Variants in CNBD1 observed in about 807,000 individuals in gnomAD.
CNBD1 encodes the protein cyclic nucleotide-binding domain-containing protein 1.
CNBD1 carries 71 observed loss-of-function variants against 54.4 expected under a neutral mutation model. That is an observed-to-expected ratio of 1.30 (90% CI 1.08 to 1.59). CNBD1 has a LOEUF of 1.59. CNBD1 is among the 40% of genes most tolerant of loss of function. The pLI, the probability that CNBD1 is intolerant of heterozygous loss-of-function variation, is 0.00. For synonymous variants in CNBD1, 182 were observed against 170.7 expected (o/e 1.07, Z -0.51); for missense variants, 659 against 518.0 (o/e 1.27, Z -2.64).
chr8:86,940,873 A>G (rs1321764473), intron 4 of CNBD1, among the ~76,000 whole-genome samples: 1 of 152,236 alleles, frequency 6.6e-6, no homozygotes, highest in Admixed American at 6.5e-5. Flanking sequence ...CCATTGTGGT[A>G]TAACTGCCTA....
chr8:87,184,066 A>G (rs984951684), intron 4 of CNBD1, among the ~76,000 whole-genome samples: 8 of 152,092 alleles, frequency 5.3e-5, no homozygotes, highest in African/African-American at 1.9e-4. Flanking sequence ...GCCACAGATG[A>G]TTGTGGCCAA....
In CNBD1 at chr8:87,217,674, C is replaced by T. The variant is rs577995610; in HGVS notation, c.577+11536C>T. On this transcript the variant is annotated intron_variant, in intron 5 of 10. Coordinates refer to ENST00000518476, the MANE Select transcript of CNBD1 (RefSeq NM_173538.3). ...GAGAAAAAAGTTTGACTTTAATAGC[C>T]AACTATTCATGATATTTATTATCAG... Among the ~76,000 whole-genome samples, 37 of 150,516 alleles carry T rather than the reference C, an allele frequency of 2.5e-4. 1 individual carries two copies. Among genetic ancestry groups the T allele is most frequent in the African/African-American group, 8.8e-4 (36 of 41,044 alleles).
intron 4 of CNBD1, among the ~76,000 whole-genome samples, chr8:87,195,652 C>T (rs111640578): frequency 3.3e-5 from 5 of 151,378 alleles, no homozygotes; most frequent in African/African-American, 4.9e-5. Flanking sequence ...CGGCTCACTG[C>T]GACCTCTGCC....
At chr8:87,327,794 G>C (rs762130976) in intron 8 of CNBD1, among the ~76,000 whole-genome samples, 20 of 152,260 alleles carry the variant, frequency 1.3e-4, no homozygotes, top group East Asian at 3.9e-4. Flanking sequence ...CTGTAGACCG[G>C]AGCTGTTCCT....
At chr8:86,941,007 G>A (rs1809645691) in intron 4 of CNBD1, among the ~76,000 whole-genome samples, 2 of 152,162 alleles carry the variant, frequency 1.3e-5, no homozygotes, top group African/African-American at 4.8e-5. Context: ...GATGTTTACA[G>A]AATGACAAAA....
chr8:86,907,650 G>C lies in CNBD1; in HGVS notation c.272+2456G>C, dbSNP rs1326868842. On this transcript the variant is annotated intron_variant, in intron 3 of 10. Coordinates refer to ENST00000518476, the MANE Select transcript of CNBD1 (RefSeq NM_173538.3). ...GCCACTGCACTCCAGCCTGGAGACA[G>C]AGCATGACTCTATCTAAAAAAAAAA... Among the ~76,000 whole-genome samples the C allele has an allele frequency of 1.3e-5, 2 of 151,006 alleles. 1 individual carries two copies. The highest frequency in any genetic ancestry group is 6.3e-3 in the Middle Eastern group (2 of 316).
At chr8:87,003,336 T>C (rs1809031745) in intron 4 of CNBD1, among the ~76,000 whole-genome samples, 2 of 152,212 alleles carry the variant, frequency 1.3e-5, no homozygotes, top group South Asian at 4.1e-4. Context: ...TGCAATATCC[T>C]AAAATACCTA....
chr8:87,404,728 C>A (rs1807624460), intron 2 of CNBD1, among the ~76,000 whole-genome samples: 1 of 152,096 alleles, frequency 6.6e-6, no homozygotes, highest in Admixed American at 6.6e-5. Context: ...TCCTCATATT[C>A]TCTTTCCAGT....
intron 4 of CNBD1, among the ~76,000 whole-genome samples, chr8:86,997,161 A>G (rs1268587975): frequency 6.6e-6 from 1 of 152,188 alleles, no homozygotes; most frequent in Non-Finnish European, 1.5e-5. Context: ...TACCTTTAGA[A>G]TGGAGTACAT....
chr8:87,281,657 A>G (rs2130867315), intron 6 of CNBD1, among the ~76,000 whole-genome samples: 1 of 146,120 alleles, frequency 6.8e-6, no homozygotes, highest in Non-Finnish European at 1.5e-5. Flanking sequence ...CTTAAAATGT[A>G]TTTATTTCTA....
chr8:87,333,473 C>A (rs545794921), intron 8 of CNBD1, among the ~76,000 whole-genome samples: 1 of 152,110 alleles, frequency 6.6e-6, no homozygotes, highest in African/African-American at 2.4e-5. Flanking sequence ...GGGAATACTA[C>A]CAGCTTTTGC....
chr8:86,899,784 A>T (rs571679984), intron 2 of CNBD1, among the ~76,000 whole-genome samples: 31 of 152,260 alleles, frequency 2.0e-4, no homozygotes, highest in African/African-American at 7.2e-4. Context: ...ATTCTTCAAC[A>T]GAGAATTTAT....
intron 4 of CNBD1, among the ~76,000 whole-genome samples, chr8:86,940,814 C>T (rs1423918434): frequency 6.6e-6 from 1 of 152,108 alleles, no homozygotes; most frequent in Non-Finnish European, 1.5e-5. Context: ...AAAAATTTGA[C>T]ATTTATGTTC....
At chr8:87,384,368 G>C (rs1055715414), downstream of CNBD1, among the ~76,000 whole-genome samples, 3 of 151,956 alleles carry the variant, frequency 2.0e-5, 1 homozygote, top group Admixed American at 2.0e-4. Context: ...ATTATATTGG[G>C]AGAAGATCAT....
chr8:86,986,312 T>G (rs1808606124), intron 4 of CNBD1, among the ~76,000 whole-genome samples: 2 of 152,210 alleles, frequency 1.3e-5, no homozygotes, highest in Non-Finnish European at 2.9e-5. Flanking sequence ...GTATGTCTTC[T>G]TTTAAGAAGT....
At chr8:87,062,157 G>A (rs539733404) in intron 4 of CNBD1, among the ~76,000 whole-genome samples, 1 of 152,174 alleles carries the variant, frequency 6.6e-6, no homozygotes, top group Middle Eastern at 3.4e-3. Context: ...TGACAACTAG[G>A]GTTACTTTCA....
chr8:87,169,344 C>T (rs973905573), intron 4 of CNBD1, among the ~76,000 whole-genome samples: 6 of 151,914 alleles, frequency 3.9e-5, no homozygotes, highest in African/African-American at 1.4e-4. Flanking sequence ...ATATTTTCTC[C>T]CATTCTTTGG....
intron 4 of CNBD1, among the ~76,000 whole-genome samples, chr8:87,190,761 T>C (rs112203971): frequency 2.6e-5 from 4 of 151,758 alleles, no homozygotes; most frequent in African/African-American, 4.8e-5. Flanking sequence ...ATTTTCACTA[T>C]AGTCATGTGT....
At chr8:86,939,901 C>G in intron 4 of CNBD1, 147 bp downstream of exon 4, 1 of 493,090 alleles carries the variant, frequency 2.0e-6, no homozygotes, top group Middle Eastern at 5.3e-4. Flanking sequence ...ACACTGGAGA[C>G]TTTGTTTCTA....
Sources: gnomAD v4.1 joint callset for allele counts (sites outside exome capture counted in the v4.1 genomes callset) on GRCh38, gnomAD v4.1.1 for gene constraint, MANE v1.5 for transcripts, NCBI Gene and HGNC (gene_info 2026-07-23, HGNC 2026-07-21) for gene names.